PCDHGA3: variants seen among roughly 807,000 people sequenced by gnomAD.
The protein encoded by PCDHGA3 is protocadherin gamma subfamily A, 3.
Under a neutral mutation model 58.5 loss-of-function variants are expected in PCDHGA3, and 40 were observed. The ratio of observed to expected loss-of-function variants is 0.68; its 90% confidence interval spans 0.53 to 0.89. The LOEUF (loss-of-function observed/expected upper bound fraction) is 0.89, where lower values mean the gene tolerates loss of function less well. Among genes scored for constraint, PCDHGA3 ranks in the 40% least tolerant of loss-of-function variants. The pLI is 0.00. For synonymous variants in PCDHGA3, 530 were observed against 525.7 expected (o/e 1.01, Z -0.11); for missense variants, 1,223 against 1,195.9 (o/e 1.02, Z -0.33).
intron 1 of PCDHGA3, among the ~76,000 whole-genome samples, chr5:141,478,961 C>T (rs887338339): frequency 6.6e-6 from 1 of 152,206 alleles, no homozygotes; most frequent in Non-Finnish European, 1.5e-5. Context: ...CCTCATTCCT[C>T]CACCTTTCAA....
At chr5:141,472,745 G>A (rs931198460) in intron 1 of PCDHGA3, among the ~76,000 whole-genome samples, 4 of 152,038 alleles carry the variant, frequency 2.6e-5, no homozygotes, top group African/African-American at 9.7e-5. Flanking sequence ...CAGCACTTTG[G>A]GAGGCGGAGG....
rs561359605 is a variant in PCDHGA3 at position 141,400,125 on chromosome 5, G to A, written c.2424+53668G>A. ...TGGTCTTTGCTGACAGCTTGCAGGA[G>A]GTGCTGCCGGATATCACTGACCGCC... On this transcript the variant is annotated intron_variant, in intron 1 of 3. Coordinates refer to ENST00000253812, the MANE Select transcript of PCDHGA3 (RefSeq NM_018916.4). The A allele has an allele frequency of 2.5e-4, 399 of 1,614,072 alleles. 3 individuals are homozygous for A. In the Admixed American group the frequency reaches 6.3e-3, roughly 26 times the overall value.
chr5:141,459,989 A>G (rs2098979714), intron 1 of PCDHGA3, among the ~76,000 whole-genome samples: 1 of 152,204 alleles, frequency 6.6e-6, no homozygotes, highest in Non-Finnish European at 1.5e-5. Flanking sequence ...GAGACAGGAG[A>G]ATCGCTTGAA....
intron 1 of PCDHGA3, among the ~76,000 whole-genome samples, chr5:141,386,802 A>T (rs1262742441): frequency 6.6e-6 from 1 of 152,248 alleles, no homozygotes; most frequent in East Asian, 1.9e-4. Context: ...AAAATTTATT[A>T]GATGCATAAA....
At position 141,455,318 on chromosome 5, in the gene PCDHGA3, G is replaced by A. The variant is rs534507768; in HGVS notation, c.2425-39489G>A. On this transcript the variant is annotated intron_variant, in intron 1 of 3. Transcript: ENST00000253812. ...TTTCATCTTGCATTAGCAATTTTGT[G>A]TGTGTGTTTGTGGTTTTAAGGAGCG... is the stretch of plus-strand genomic sequence containing the variant. Among the ~76,000 whole-genome samples the A allele has an allele frequency of 2.4e-4, 37 of 152,186 alleles. No individual in the cohort carries two copies. The South Asian group carries it at 5.6e-3, about 23-fold the overall frequency.
At chr5:141,372,866 T>A in intron 1 of PCDHGA3, 1 of 1,393,006 alleles carries the variant, frequency 7.2e-7, no homozygotes, top group Non-Finnish European at 9.6e-7. Context: ...ATTCATTGAT[T>A]TAGAGATAAA....
intron 1 of PCDHGA3, chr5:141,433,041 C>G (rs1171788078): frequency 6.2e-7 from 1 of 1,614,036 alleles, no homozygotes; most frequent in Non-Finnish European, 8.5e-7. Flanking sequence ...TCCCTCACCA[C>G]GGACTCGCGG....
At chr5:141,355,831 G>T in intron 1 of PCDHGA3, 1 of 1,612,566 alleles carries the variant, frequency 6.2e-7, no homozygotes, top group Non-Finnish European at 8.5e-7. Context: ...TCACCACCTC[G>T]TTCTCACGGC....
At chr5:141,438,249 A>G (rs1166079222) in intron 1 of PCDHGA3, among the ~76,000 whole-genome samples, 2 of 152,168 alleles carry the variant, frequency 1.3e-5, no homozygotes, top group Non-Finnish European at 2.9e-5. Context: ...AAAAACTGTC[A>G]TTGAAGAGAC....
In PCDHGA3 at chr5:141,346,477, T is replaced by A; in HGVS notation, c.2424+20T>A. The A allele has an allele frequency of 6.2e-7, 1 of 1,613,658 alleles. No homozygotes were observed. Among genetic ancestry groups the A allele is most frequent in the Non-Finnish European group, 8.5e-7 (1 of 1,179,676 alleles). ...CTTCAGGTGAGTTTATTTATTTCTT[T>A]GATTATTAAGAACAAATATGAGAAT... On this transcript the variant is annotated intron_variant, in intron 1 of 3. Transcript: ENST00000253812.
At chr5:141,430,925 C>G (rs1313621122) in intron 1 of PCDHGA3, 2 of 1,607,162 alleles carry the variant, frequency 1.2e-6, no homozygotes, top group Non-Finnish European at 8.5e-7. Context: ...GGGGCTGGAG[C>G]CCCGGGAGCT....
chr5:141,376,796 C>G (rs1030059088), intron 1 of PCDHGA3: 1 of 345,194 alleles, frequency 2.9e-6, no homozygotes, highest in South Asian at 3.6e-5. Flanking sequence ...ACGCCATTCT[C>G]CTGCCTCAGC....
intron 3 of PCDHGA3, among the ~76,000 whole-genome samples, chr5:141,510,660 G>A (rs2099882170): frequency 1.3e-5 from 2 of 152,174 alleles, no homozygotes; most frequent in East Asian, 1.9e-4. Context: ...TTTTGCAGAT[G>A]AGAAAACTGA....
At chr5:141,398,437 C>G (rs2093656645) in intron 1 of PCDHGA3, 20 of 1,556,582 alleles carry the variant, frequency 1.3e-5, no homozygotes, top group Non-Finnish European at 1.8e-5. Flanking sequence ...AGCTTGTGCT[C>G]TGGAATTTGA....
At chr5:141,394,871 T>A in intron 1 of PCDHGA3, 1 of 1,613,814 alleles carries the variant, frequency 6.2e-7, no homozygotes, top group Non-Finnish European at 8.5e-7. Flanking sequence ...ACCCGAACGA[T>A]TCGAGCCTTA....
intron 1 of PCDHGA3, chr5:141,350,526 G>C (rs1382395095): frequency 1.2e-6 from 2 of 1,614,020 alleles, no homozygotes; most frequent in Non-Finnish European, 1.7e-6. Flanking sequence ...AGGATAGATC[G>C]AGAGAAGATT....
Position 141,420,738 on chromosome 5 carries a change from T to C in PCDHGA3, c.2425-74069T>C, listed in dbSNP as rs550966989. 1.5e-4 allele frequency among the ~76,000 whole-genome samples: 23 copies of C among 152,358 alleles called. 1 individual carries two copies. In the South Asian group the frequency reaches 4.6e-3, roughly 30 times the overall value. ...GTTCCTTTCAGTCGGTTAAAATCAA[T>C]TGGAACCAACTACAACCTACAAGTT... On this transcript the variant is annotated intron_variant, in intron 1 of 3. Transcript: ENST00000253812.
rs761155361 is a variant in PCDHGA3, at chr5:141,365,110, G to A, written c.2424+18653G>A. 2.5e-6 allele frequency: 4 copies of A among 1,613,868 alleles called. No homozygotes were observed. In the South Asian group the frequency reaches 4.4e-5, roughly 18 times the overall value. On this transcript the variant is annotated intron_variant, in intron 1 of 3. Transcript: ENST00000253812. ...CAGAGAACATACCTGTGGGCACTCG[G>A]CTGCTCATGCTAACCGCCACGGATC...
intron 1 of PCDHGA3, among the ~76,000 whole-genome samples, chr5:141,457,187 G>A (rs1314148733): frequency 1.3e-5 from 2 of 152,210 alleles, no homozygotes; most frequent in Admixed American, 1.3e-4. Flanking sequence ...ATAGTAGAGT[G>A]AGGAAAGCAG....
Sources: gnomAD v4.1 joint callset for allele counts (sites outside exome capture counted in the v4.1 genomes callset) on GRCh38, gnomAD v4.1.1 for gene constraint, MANE v1.5 for transcripts, NCBI Gene and HGNC (gene_info 2026-07-23, HGNC 2026-07-21) for gene names.